The following ADGRV1 variants were observed in gnomAD, a reference collection of about 807,000 sequenced individuals.
ADGRV1 encodes adhesion G protein-coupled receptor V1, also known as G-protein coupled receptor 98.
In ADGRV1, 359 loss-of-function variants were observed where a neutral mutation model predicts 596.2. The ratio of observed to expected loss-of-function variants is 0.60; its 90% confidence interval spans 0.55 to 0.66. The LOEUF (loss-of-function observed/expected upper bound fraction) is 0.66, where lower values mean the gene tolerates loss of function less well. ADGRV1 is among the 30% of genes least tolerant of loss of function. ADGRV1 has a pLI of 0.00. For missense variants in ADGRV1, 7,274 were observed against 7,575.6 expected, an observed-to-expected ratio of 0.96 and a Z score of 1.48; for synonymous variants, 2,681 against 2,679.2, an observed-to-expected ratio of 1.00 and a Z score of -0.02.
Position 90,711,298 on chromosome 5 carries a change from G to A in ADGRV1, c.9018G>A (p.Gly3006=). 1 of 1,612,122 alleles carries A rather than the reference G, an allele frequency of 6.2e-7. No homozygotes were observed. Among genetic ancestry groups the A allele is most frequent in the East Asian group, 2.2e-5 (1 of 44,840 alleles). ...VYAQNLEAQV[G]LDYIFTPMIL... ...CTCAGAATTTGGAAGCACAAGTGGG[G>A]CTGGATTATATCTTCACCCCAATGG... Residue 3006 remains glycine, a synonymous_variant, in exon 41 of 90, where the codon GGG becomes GGA. Coordinates refer to ENST00000405460, the MANE Select transcript of ADGRV1 (RefSeq NM_032119.4).
intron 43 of ADGRV1, among the ~76,000 whole-genome samples, chr5:90,718,874 AT>A (rs1750521194): frequency 6.6e-6 from 1 of 152,056 alleles, no homozygotes; most frequent in South Asian, 2.1e-4. Context: ...GGCAAATTAA[AT>A]GTTAGAGCAA....
At chr5:90,795,648 TAAGGGTCAG>T (rs1760618291) in intron 70 of ADGRV1, among the ~76,000 whole-genome samples, 1 of 152,150 alleles carries the variant, frequency 6.6e-6, no homozygotes, top group African/African-American at 2.4e-5. Context: ...CAAGCTCTAC[TAAGGGTCAG>T]ACTGCCTCCT....
At chr5:90,776,907 T>C (rs1463943378) in intron 61 of ADGRV1, among the ~76,000 whole-genome samples, 2 of 152,184 alleles carry the variant, frequency 1.3e-5, no homozygotes, top group African/African-American at 2.4e-5. Flanking sequence ...AGTTATTTCA[T>C]CTCTGCAAGC....
At chr5:91,077,294 G>C (rs1249064700) in intron 86 of ADGRV1, among the ~76,000 whole-genome samples, 1 of 152,124 alleles carries the variant, frequency 6.6e-6, no homozygotes, top group Non-Finnish European at 1.5e-5. Flanking sequence ...CATTTTGTTA[G>C]GCTCAAAATC....
At chr5:90,813,198 TA>T (rs5869523) in intron 74 of ADGRV1, among the ~76,000 whole-genome samples, 112,259 of 122,292 alleles carry the variant, frequency 0.92, 52,893 homozygotes, top group East Asian at 1. Context: ...CTTCTCATTC[TA>T]ATAGAGACAC....
rs199830652 is a variant in ADGRV1 at position 91,068,804 on chromosome 5, CAA to C, written c.18153-3631_18153-3630del. 1.9e-3 allele frequency among the ~76,000 whole-genome samples: 284 copies of C among 147,846 alleles called. 1 individual carries two copies. Among genetic ancestry groups the C allele is most frequent in the Non-Finnish European group, 2.8e-3 (190 of 66,824 alleles). On this transcript the variant is annotated intron_variant, in intron 85 of 89. Transcript: ENST00000405460. ...AAGCTATTCTAAAATTCATATGAAA[CAA>C]AAAAAAAAAAATAGCCTGAATAGCC...
At chr5:90,959,959 G>A (rs977346695) in intron 83 of ADGRV1, among the ~76,000 whole-genome samples, 2 of 151,966 alleles carry the variant, frequency 1.3e-5, no homozygotes, top group African/African-American at 4.8e-5. Context: ...CTAACACGGT[G>A]AAACCCCGTC....
chr5:91,084,238 C>T (rs1789665343), intron 86 of ADGRV1, among the ~76,000 whole-genome samples: 1 of 152,132 alleles, frequency 6.6e-6, no homozygotes, highest in Non-Finnish European at 1.5e-5. Flanking sequence ...CACCAGCCCC[C>T]CTGATTTCCT....
chr5:90,702,955 G>T (rs543771917), intron 34 of ADGRV1, among the ~76,000 whole-genome samples: 1 of 151,862 alleles, frequency 6.6e-6, no homozygotes, highest in Non-Finnish European at 1.5e-5. Context: ...CCATTAGCAC[G>T]CTCCCTAACA....
Position 90,658,020 on chromosome 5 carries a change from T to A in ADGRV1, c.4494T>A (p.Leu1498=), listed in dbSNP as rs773149397. 35 of 1,613,896 alleles carry A rather than the reference T, an allele frequency of 2.2e-5. 1 individual carries two copies. The South Asian group carries it at 3.8e-4, about 18-fold the overall frequency. ...RKLTLEEIYE[L]HAMPAKSDLH... is the part of the protein sequence containing the mutation. ...TGACGCTTGAAGAAATTTATGAACT[T>A]CATGCCATGCCCGCAAAAAGTGATT... Residue 1498 remains leucine (L), a synonymous_variant, in exon 21 of 90, where the codon CTT becomes CTA. Transcript: ENST00000405460.
chr5:90,835,855 A>C (rs1467944555), intron 77 of ADGRV1, among the ~76,000 whole-genome samples: 1 of 152,234 alleles, frequency 6.6e-6, no homozygotes, highest in African/African-American at 2.4e-5. Context: ...GAATGGCTAA[A>C]GAAAGATCTT....
At chr5:90,809,929 G>A (rs1762281816) in intron 73 of ADGRV1, among the ~76,000 whole-genome samples, 1 of 152,222 alleles carries the variant, frequency 6.6e-6, no homozygotes, top group South Asian at 2.1e-4. Flanking sequence ...TCCTAAGAGA[G>A]AGCCTGATTT....
intron 85 of ADGRV1, among the ~76,000 whole-genome samples, chr5:91,059,756 T>C (rs955890115): frequency 1.3e-5 from 2 of 152,230 alleles, no homozygotes; most frequent in African/African-American, 4.8e-5. Flanking sequence ...ATGACCTCTA[T>C]CTCAAGTTTT....
At chr5:90,944,636 T>C (rs1183778813) in intron 83 of ADGRV1, among the ~76,000 whole-genome samples, 1 of 152,198 alleles carries the variant, frequency 6.6e-6, no homozygotes, top group African/African-American at 2.4e-5. Flanking sequence ...CAAAACACCT[T>C]TATACCTCAA....
rs531033246 is a variant in ADGRV1, at chr5:90,765,429, CCACACACACACACA to C, written c.12285+1989_12285+2002del. 2.5e-3 allele frequency among the ~76,000 whole-genome samples: 347 copies of C among 136,356 alleles called. 1 individual carries two copies. Among genetic ancestry groups the C allele is most frequent in the African/African-American group, 8.6e-3 (313 of 36,550 alleles). The allele number at this position is 136,356 out of a possible 152,430, so 89.5% of individuals were successfully genotyped here. ...GCATGATGGGGGGAAAAATCACAGACCACACACACACACACACACACACACACACACACACACAC... is the reference window on the plus strand; with the variant it reads ...GCATGATGGGGGGAAAAATCACAGACCACACACACACACACACACACACAC... On this transcript the variant is annotated intron_variant, in intron 59 of 89. Coordinates refer to ENST00000405460, the MANE Select transcript of ADGRV1 (RefSeq NM_032119.4).
chr5:91,068,797 T>C (rs1393576828), intron 85 of ADGRV1, among the ~76,000 whole-genome samples: 5 of 143,234 alleles, frequency 3.5e-5, no homozygotes, highest in African/African-American at 1.3e-4. Context: ...CTAAAATTCA[T>C]ATGAAACAAA....
intron 84 of ADGRV1, among the ~76,000 whole-genome samples, chr5:90,969,842 G>A (rs1238240290): frequency 6.6e-6 from 1 of 152,196 alleles, no homozygotes; most frequent in African/African-American, 2.4e-5. Context: ...CTGAGGTACT[G>A]GGTTCATCTC....
chr5:90,614,658 G>GT (rs1404062194), intron 1 of ADGRV1, 177 bp from the exon 2 acceptor site: 7 of 671,264 alleles, frequency 1.0e-5, no homozygotes, highest in Admixed American at 2.1e-5. Context: ...ATAGAATCGT[G>GT]TTTTTTTAAC....
intron 1 of ADGRV1, among the ~76,000 whole-genome samples, chr5:90,612,019 G>A (rs1195171428): frequency 6.6e-6 from 1 of 152,032 alleles, no homozygotes; most frequent in Non-Finnish European, 1.5e-5. Context: ...CAAAGGAGAT[G>A]CAATTATCAA....
Sources: allele counts gnomAD v4.1 joint callset (sites outside exome capture counted in the v4.1 genomes callset), GRCh38; gene constraint gnomAD v4.1.1; transcripts MANE v1.5; gene names NCBI Gene and HGNC (gene_info 2026-07-23, HGNC 2026-07-21).